TCIRG1: variants seen among roughly 807,000 people sequenced by gnomAD.
TCIRG1 encodes the protein T cell immune regulator 1, ATPase H+ transporting V0 subunit a3, also known as V-type proton ATPase 116 kDa subunit a 3.
A neutral mutation model predicts 95.5 loss-of-function variants in TCIRG1; 86 were observed. That is an observed-to-expected ratio of 0.90 (90% CI 0.76 to 1.08). The LOEUF (loss-of-function observed/expected upper bound fraction) is 1.08, where lower values mean the gene tolerates loss of function less well. TCIRG1 is among the 50% of genes least tolerant of loss of function. The pLI is 0.00. For missense variants in TCIRG1, 1,069 were observed against 1,140.2 expected, an observed-to-expected ratio of 0.94 and a Z score of 0.90; for synonymous variants, 499 against 501.3, an observed-to-expected ratio of 1.00 and a Z score of 0.06.
chr11:68,050,406 G>A, intron 18 of TCIRG1, 81 bp from the exon 19 acceptor site: 1 of 1,610,186 alleles, frequency 6.2e-7, no homozygotes, highest in Non-Finnish European at 8.5e-7. Flanking sequence ...CGTGCAGGGA[G>A]GGCTTCAGGC....
chr11:68,045,676 C>T (rs1855443441), intron 10 of TCIRG1, among the ~76,000 whole-genome samples: 2 of 152,090 alleles, frequency 1.3e-5, no homozygotes, highest in Non-Finnish European at 2.9e-5. Context: ...GCCTCAGCCT[C>T]CCAAGTAGCT....
intron 13 of TCIRG1, 57 bp from the exon 14 acceptor site, chr11:68,048,822 C>G (rs1855638776): frequency 7.8e-7 from 1 of 1,284,538 alleles, no homozygotes; most frequent in East Asian, 2.3e-5. Context: ...CCGGGGACTT[C>G]CTGGCAGTGA....
intron 1 of TCIRG1, among the ~76,000 whole-genome samples, chr11:68,040,727 GGCT>G (rs1404107462): frequency 6.6e-6 from 1 of 152,212 alleles, no homozygotes; most frequent in Non-Finnish European, 1.5e-5. Context: ...GGAAGGCTGC[GGCT>G]GCTGCCGGGC....
chr11:68,041,442 G>A (rs1297873005), intron 2 of TCIRG1, 54 bp downstream of exon 2: 1 of 1,323,836 alleles, frequency 7.6e-7, no homozygotes, highest in Non-Finnish European at 1.1e-6. Context: ...TTAGCCCGGA[G>A]GCCGGTCCAG....
rs367985454 is a variant in TCIRG1 at position 68,050,708 on chromosome 11, C to A, written c.2415-33C>A. 20 of 1,613,680 alleles carry A rather than the reference C, an allele frequency of 1.2e-5. No individual in the cohort carries two copies. The African/African-American group carries it at 2.5e-4, about 20-fold the overall frequency. Reference sequence around the variant, plus strand: ...GCCTGGGCTGCTCAAGGCGTGAGTTCCCCTCACCAACCCCTCTGCTTCTCA... The same window carrying A: ...GCCTGGGCTGCTCAAGGCGTGAGTTACCCTCACCAACCCCTCTGCTTCTCA... On this transcript the variant is annotated intron_variant, in intron 19 of 19. Transcript: ENST00000265686.
At chr11:68,047,601 G>C (rs1855567786) in intron 11 of TCIRG1, 29 bp downstream of exon 11, 2 of 1,613,036 alleles carry the variant, frequency 1.2e-6, no homozygotes, top group Non-Finnish European at 1.7e-6. Context: ...GTCCTGATGA[G>C]GGTAGCAGGG....
chr11:68,049,579 C>A, intron 15 of TCIRG1, 84 bp from the exon 16 acceptor site: 1 of 1,539,684 alleles, frequency 6.5e-7, no homozygotes, highest in Non-Finnish European at 8.7e-7. Context: ...CGCAGGCTCT[C>A]TGGGCCCCGT....
At chr11:68,050,455 C>T in intron 18 of TCIRG1, 32 bp from the exon 19 acceptor site, 5 of 1,611,822 alleles carry the variant, frequency 3.1e-6, no homozygotes, top group Non-Finnish European at 4.2e-6. Flanking sequence ...CACCCACTTG[C>T]CGTTGGCCCC....
chr11:68,050,867 G>A lies in TCIRG1; in HGVS notation c.*48G>A, dbSNP rs375795306. The A allele has an allele frequency of 1.1e-4, 171 of 1,597,474 alleles. No homozygotes were observed. The African/African-American group carries it at 2.0e-3, about 19-fold the overall frequency. ...ACCTCCTTCCTGACCTCTGAGGCAGGAGAGGAATAAAGACGGTCCGCCCTG... is the reference window on the plus strand; with the variant it reads ...ACCTCCTTCCTGACCTCTGAGGCAGAAGAGGAATAAAGACGGTCCGCCCTG... On this transcript the variant is annotated 3_prime_UTR_variant, in exon 20 of 20. Transcript: ENST00000265686.
Position 68,049,587 on chromosome 11 carries a change from C to T in TCIRG1, c.1888-76C>T, listed in dbSNP as rs544443454. 67 of 1,553,164 alleles carry T rather than the reference C, an allele frequency of 4.3e-5. 1 individual carries two copies. The South Asian group carries it at 5.2e-4, about 12-fold the overall frequency. Reference sequence around the variant, plus strand: ...GAGCGACCGCAGGCTCTCTGGGCCCCGTGACTGCTGTGACTCAGGTTCCTT... The same window carrying T: ...GAGCGACCGCAGGCTCTCTGGGCCCTGTGACTGCTGTGACTCAGGTTCCTT... On this transcript the variant is annotated intron_variant, in intron 15 of 19. Transcript: ENST00000265686.
intron 15 of TCIRG1, 125 bp downstream of exon 15, chr11:68,049,419 A>G: frequency 9.0e-7 from 1 of 1,110,404 alleles, no homozygotes; most frequent in Non-Finnish European, 1.3e-6. Context: ...CCGTGCAGAC[A>G]GGGCCGTCAG....
intron 10 of TCIRG1, among the ~76,000 whole-genome samples, chr11:68,046,462 C>T (rs934922436): frequency 3.9e-5 from 6 of 152,168 alleles, no homozygotes; most frequent in African/African-American, 1.2e-4. Flanking sequence ...CATCTTCACA[C>T]ACTGTTCTCC....
chr11:68,044,379 GC>G, intron 9 of TCIRG1, 35 bp downstream of exon 9: 1 of 1,508,858 alleles, frequency 6.6e-7, no homozygotes, highest in Non-Finnish European at 8.9e-7. Context: ...CTCTCCGCCC[GC>G]CCCTCCTACC....
Position 68,041,742 on chromosome 11 carries a change from G to A in TCIRG1, c.118-11G>A. The A allele has an allele frequency of 6.2e-7, 1 of 1,605,666 alleles. No homozygotes were observed. Among genetic ancestry groups the A allele is most frequent in the Non-Finnish European group, 8.5e-7 (1 of 1,176,544 alleles). On this transcript the variant is annotated splice_polypyrimidine_tract_variant and intron_variant, in intron 2 of 19. Transcript: ENST00000265686. ...TCCCGGGACACTCACCCCTCCGTGT[G>A]GCACCCACAGCTCAACGCCTCGGTG...
In TCIRG1 at chr11:68,050,137, C is replaced by T. The variant is rs756005324; in HGVS notation, c.2119C>T (p.Leu707Phe). 2 of 1,613,138 alleles carry T rather than the reference C, an allele frequency of 1.2e-6. No individual in the cohort carries two copies. The highest frequency in any genetic ancestry group is 3.3e-5 in the Admixed American group (2 of 60,022). ...GGCCCTCACTGCACCCGCCCCGCAGCTCGTCCCCTCCGAGGTGCTCATGCA... is the reference window on the plus strand; with the variant it reads ...GGCCCTCACTGCACCCGCCCCGCAGTTCGTCCCCTCCGAGGTGCTCATGCA... ...GGLDDEEEAE[L>F]VPSEVLMHQA... Residue 707 changes from leucine to phenylalanine, a missense_variant and splice_region_variant, in exon 18 of 20, where the codon CTC (leucine) becomes TTC (phenylalanine). By Grantham distance (22) the Leu-to-Phe change is conservative. Transcript: ENST00000265686.
chr11:68,043,722 C>A, intron 7 of TCIRG1, 69 bp downstream of exon 7: 1 of 1,537,714 alleles, frequency 6.5e-7, no homozygotes, highest in Non-Finnish European at 8.8e-7. Context: ...CCCAGCCCGC[C>A]CTATCGTGAC....
intron 15 of TCIRG1, 140 bp downstream of exon 15, chr11:68,049,434 G>T: frequency 1.9e-6 from 2 of 1,032,810 alleles, no homozygotes; most frequent in Non-Finnish European, 2.8e-6. Flanking sequence ...CGTCAGAGGT[G>T]ATGGTGTGCA....
intron 10 of TCIRG1, chr11:68,046,819 G>T (rs915831495): frequency 2.2e-6 from 1 of 454,922 alleles, no homozygotes; most frequent in South Asian, 1.6e-5. Flanking sequence ...TCTGGCTTCT[G>T]TGTGGAGCTC....
intron 2 of TCIRG1, 27 bp downstream of exon 2, chr11:68,041,415 G>A (rs370896484): frequency 1.3e-4 from 201 of 1,514,938 alleles, no homozygotes; most frequent in Non-Finnish European, 1.8e-4. Context: ...GGCGTGGGAA[G>A]GGGGCTACTG....
Sources: allele counts gnomAD v4.1 joint callset (sites outside exome capture counted in the v4.1 genomes callset), GRCh38; gene constraint gnomAD v4.1.1; transcripts MANE v1.5; gene names NCBI Gene and HGNC (gene_info 2026-07-23, HGNC 2026-07-21).